The following CCDC30 variants were observed in gnomAD, a reference collection of about 807,000 sequenced individuals.
CCDC30 encodes coiled-coil domain containing 30.
In CCDC30, 70 loss-of-function variants were observed where a neutral mutation model predicts 100.2. That is an observed-to-expected ratio of 0.70 (90% confidence interval 0.58 to 0.85). CCDC30 has a LOEUF of 0.85. Among genes scored for constraint, CCDC30 ranks in the 40% least tolerant of loss-of-function variants. The pLI, the probability that CCDC30 is intolerant of heterozygous loss-of-function variation, is 0.00. For missense variants in CCDC30, 652 were observed against 771.2 expected (o/e 0.85, Z 1.83); for synonymous variants, 233 against 269.5 (o/e 0.86, Z 1.33).
chr1:42,580,937 A>G (rs1645951242), intron 8 of CCDC30: 3 of 450,482 alleles, frequency 6.7e-6, no homozygotes, highest in African/African-American at 2.0e-5. Flanking sequence ...GGCATTATCT[A>G]TCAAACAAAC....
At chr1:42,652,170 A>G (rs532375046) in intron 15 of CCDC30, among the ~76,000 whole-genome samples, 74 of 152,334 alleles carry the variant, frequency 4.9e-4, no homozygotes, top group Non-Finnish European at 8.1e-4. Flanking sequence ...TGGCAACAAC[A>G]TTGGTGAACC....
At chr1:42,456,581 C>A in the CCDC30 span, 4 of 1,489,000 alleles carry the variant, frequency 2.7e-6, no homozygotes, top group Admixed American at 1.0e-4. Context: ...GGAAATGGAT[C>A]CGGTAGCCGA....
chr1:42,647,803 A>G (rs1348602193), intron 15 of CCDC30, among the ~76,000 whole-genome samples: 1 of 152,250 alleles, frequency 6.6e-6, no homozygotes, highest in East Asian at 1.9e-4. Flanking sequence ...ATGGAAATAA[A>G]ACAACATATT....
intron 4 of CCDC30, chr1:42,492,336 T>G (rs1338677615): frequency 4.9e-5 from 10 of 202,712 alleles, no homozygotes; most frequent in African/African-American, 2.4e-4. Context: ...ATTTATCTTC[T>G]CCATGATGTC....
chr1:42,477,747 G>T (rs1643900043), intron 1 of CCDC30, among the ~76,000 whole-genome samples: 1 of 152,216 alleles, frequency 6.6e-6, no homozygotes, highest in African/African-American at 2.4e-5. Context: ...GTAGTTCAGT[G>T]TGGATAGTCC....
chr1:42,500,272 G>A (rs1241865066), intron 6 of CCDC30: 34 of 1,610,462 alleles, frequency 2.1e-5, no homozygotes, highest in African/African-American at 8.0e-5. Context: ...TTTCTCTTGC[G>A]TCTCTGTCTT....
At chr1:42,609,007 G>A (rs991413765) in intron 10 of CCDC30, among the ~76,000 whole-genome samples, 1 of 152,124 alleles carries the variant, frequency 6.6e-6, no homozygotes, top group Non-Finnish European at 1.5e-5. Context: ...ATGAAAGAAG[G>A]ATTTGTACTG....
intron 10 of CCDC30, chr1:42,592,200 A>G (rs969329907): frequency 1.3e-5 from 2 of 152,174 alleles, no homozygotes; most frequent in African/African-American, 4.8e-5. Context: ...TGTATCTTGT[A>G]GTGTGAGAAA....
At chr1:42,546,983 A>T (rs1645157728) in intron 6 of CCDC30, among the ~76,000 whole-genome samples, 1 of 152,224 alleles carries the variant, frequency 6.6e-6, no homozygotes, top group South Asian at 2.1e-4. Context: ...CTAGATGTAG[A>T]CAAAGTTATA....
chr1:42,503,176 A>G (rs574068998), intron 6 of CCDC30, among the ~76,000 whole-genome samples: 4 of 152,244 alleles, frequency 2.6e-5, no homozygotes, highest in Non-Finnish European at 2.9e-5. Context: ...GAGCCAGTAC[A>G]CCCCACCCTT....
chr1:42,509,894 T>G (rs1644450403), intron 6 of CCDC30, among the ~76,000 whole-genome samples: 1 of 152,108 alleles, frequency 6.6e-6, no homozygotes, highest in South Asian at 2.1e-4. Flanking sequence ...ACCGTAAAAC[T>G]TTTACCCTTT....
chr1:42,580,868 A>G (rs771228898), intron 8 of CCDC30: 2 of 456,230 alleles, frequency 4.4e-6, no homozygotes, highest in Non-Finnish European at 8.8e-6. Flanking sequence ...TGGAGAAACT[A>G]GGTGCACTCA....
chr1:42,485,821 A>G (rs377255944), intron 3 of CCDC30, among the ~76,000 whole-genome samples: 5 of 152,334 alleles, frequency 3.3e-5, no homozygotes, highest in African/African-American at 1.2e-4. Flanking sequence ...ATATAAATAT[A>G]TAGCAAAACA....
rs1181889086 is a variant in CCDC30 at position 42,650,497 on chromosome 1, A to ATATGTGTGTGTG, written c.1855-2878_1855-2877insATGTGTGTGTGT. Reference sequence around the variant, plus strand: ...CAAGACCCTGTCTAAAAAAATATATATGTGTGTGTGTGTGTGTGTGTGTGT... The same window carrying ATATGTGTGTGTG: ...CAAGACCCTGTCTAAAAAAATATATATATGTGTGTGTGTGTGTGTGTGTGTGTGTGTGTGTGT... On this transcript the variant is annotated intron_variant, in intron 15 of 16. Transcript: ENST00000668663. Among the ~76,000 whole-genome samples the ATATGTGTGTGTG allele has an allele frequency of 3.0e-3, 407 of 136,258 alleles. 2 individuals carry two copies. Among genetic ancestry groups the ATATGTGTGTGTG allele is most frequent in the African/African-American group, 8.3e-3 (294 of 35,536 alleles). The allele number at this position is 136,258 out of a possible 152,430, so 89.4% of individuals were successfully genotyped here.
chr1:42,473,268 G>A, intron 1 of CCDC30: 2 of 1,231,568 alleles, frequency 1.6e-6, no homozygotes, highest in Non-Finnish European at 2.0e-6. Context: ...AGATGTAGAA[G>A]AGCTTATAGT....
intron 10 of CCDC30, among the ~76,000 whole-genome samples, chr1:42,607,088 A>T (rs1450273241): frequency 6.6e-6 from 1 of 152,162 alleles, no homozygotes; most frequent in Non-Finnish European, 1.5e-5. Context: ...TTTAAACCAA[A>T]AGGAAAGTGA....
chr1:42,618,184 C>A (rs1291626307), intron 11 of CCDC30, among the ~76,000 whole-genome samples: 1 of 148,120 alleles, frequency 6.8e-6, no homozygotes, highest in East Asian at 2.1e-4. Context: ...CTGGATCTTA[C>A]ATCTCTGAAG....
Position 42,534,661 on chromosome 1 carries a change from G to A in CCDC30, c.457-31635G>A, listed in dbSNP as rs189542806. Among the ~76,000 whole-genome samples, 28 of 152,300 alleles carry A rather than the reference G, an allele frequency of 1.8e-4. No individual in the cohort carries two copies. The East Asian group carries it at 4.4e-3, about 24-fold the overall frequency. On this transcript the variant is annotated intron_variant, in intron 6 of 16. Transcript: ENST00000668663. The stretch of plus-strand genomic sequence containing the variant: ...ATTAATTCAGAACAATCAGGATTCT[G>A]TAGTGTATTTTTCTAATACTTGTTC...
chr1:42,518,905 T>C (rs963611075), intron 6 of CCDC30, among the ~76,000 whole-genome samples: 5 of 152,238 alleles, frequency 3.3e-5, no homozygotes, highest in Admixed American at 3.3e-4. Context: ...TTGAGTATAA[T>C]GTTCACTGTG....
Sources: gnomAD v4.1 joint callset for allele counts (sites outside exome capture counted in the v4.1 genomes callset) on GRCh38, gnomAD v4.1.1 for gene constraint, MANE v1.5 for transcripts, NCBI Gene and HGNC (gene_info 2026-07-23, HGNC 2026-07-21) for gene names.